The following TTC33 variants were observed in gnomAD, a reference collection of about 807,000 sequenced individuals.
The protein encoded by TTC33 is tetratricopeptide repeat protein 33.
A neutral mutation model predicts 29.4 loss-of-function variants in TTC33; 24 were observed. That is an observed-to-expected ratio of 0.82 (90% CI 0.59 to 1.15). The LOEUF (loss-of-function observed/expected upper bound fraction) is 1.15. Among genes scored for constraint, TTC33 ranks in the 50% most tolerant of loss-of-function variants. TTC33 has a pLI of 0.00. For synonymous variants in TTC33, 107 were observed against 100.3 expected, an observed-to-expected ratio of 1.07 and a Z score of -0.40; for missense variants, 286 against 310.4, an observed-to-expected ratio of 0.92 and a Z score of 0.59.
At position 40,714,271 on chromosome 5, in the gene TTC33, G is replaced by C. The variant is rs1209177626; in HGVS notation, c.*1874C>G. Reference sequence around the variant, plus strand: ...AAAGTTCTCCTTTTTTAAAATCAGAGGAAATTGAGGTTAAATATCTCCAAA... The same window carrying C: ...AAAGTTCTCCTTTTTTAAAATCAGACGAAATTGAGGTTAAATATCTCCAAA... On this transcript the variant is annotated 3_prime_UTR_variant, in exon 5 of 5. Coordinates refer to ENST00000337702, the MANE Select transcript of TTC33 (RefSeq NM_012382.3). Among the ~76,000 whole-genome samples the C allele has an allele frequency of 1.3e-5, 2 of 152,058 alleles. No homozygotes were observed. The highest frequency in any genetic ancestry group is 2.9e-5 in the Non-Finnish European group (2 of 68,008).
At chr5:40,746,114 C>T (rs1742783614) in intron 2 of TTC33, among the ~76,000 whole-genome samples, 1 of 151,920 alleles carries the variant, frequency 6.6e-6, no homozygotes, top group South Asian at 2.1e-4. Context: ...GTTTTCTCAA[C>T]AGAATCTACT....
chr5:40,730,725 C>G (rs141714655), intron 2 of TTC33, among the ~76,000 whole-genome samples: 6 of 152,022 alleles, frequency 3.9e-5, no homozygotes, highest in Non-Finnish European at 7.4e-5. Context: ...TGTAAAAATC[C>G]AAAATAAAGG....
chr5:40,749,829 C>T (rs1485098082), intron 1 of TTC33, among the ~76,000 whole-genome samples: 4 of 152,212 alleles, frequency 2.6e-5, no homozygotes, highest in Admixed American at 6.5e-5. Flanking sequence ...GTGGCTCACG[C>T]CTGTAATCCC....
At chr5:40,722,555 G>A (rs1366350195) in intron 4 of TTC33, among the ~76,000 whole-genome samples, 5 of 151,496 alleles carry the variant, frequency 3.3e-5, no homozygotes, top group Non-Finnish European at 4.4e-5. Context: ...CTGCCTGGCC[G>A]CGACCCCGTC....
intron 3 of TTC33, 64 bp from the exon 4 acceptor site, chr5:40,728,540 A>G: frequency 6.9e-7 from 1 of 1,439,580 alleles, no homozygotes; most frequent in Non-Finnish European, 9.3e-7. Flanking sequence ...CTACATAAAA[A>G]ACCCTTTTCA....
In TTC33 at chr5:40,715,837, T is replaced by C. The variant is rs891148990; in HGVS notation, c.*308A>G. 12 of 242,288 alleles carry C rather than the reference T, an allele frequency of 5.0e-5. No homozygotes were observed. Among genetic ancestry groups the C allele is most frequent in the East Asian group, 8.2e-5 (1 of 12,220 alleles). The allele number at this position is 242,288 out of a possible 1,614,324, so 15.0% of individuals were successfully genotyped here. ...GTAACATTGATCAAATTATTCACTA[T>C]TCAAGAATACATTTTTCAAGTTTTG... On this transcript the variant is annotated 3_prime_UTR_variant, in exon 5 of 5. Coordinates refer to ENST00000337702, the MANE Select transcript of TTC33 (RefSeq NM_012382.3).
chr5:40,717,005 G>A (rs1269862633), intron 4 of TTC33, among the ~76,000 whole-genome samples: 5 of 152,018 alleles, frequency 3.3e-5, no homozygotes, highest in Non-Finnish European at 7.4e-5. Context: ...GAGGTGGGCG[G>A]ATCACCTGAG....
chr5:40,740,660 A>G (rs570555994), intron 2 of TTC33, among the ~76,000 whole-genome samples: 25 of 152,270 alleles, frequency 1.6e-4, no homozygotes, highest in African/African-American at 5.3e-4. Flanking sequence ...CGACTATCCA[A>G]GGTATTGTCC....
At chr5:40,746,710 A>G (rs1293279029) in intron 2 of TTC33, 88 bp downstream of exon 2, 10 of 975,236 alleles carry the variant, frequency 1.0e-5, no homozygotes, top group Non-Finnish European at 1.5e-5. Flanking sequence ...ACATGAATTT[A>G]TCAAATTCAT....
At chr5:40,722,275 G>A (rs976319342) in intron 4 of TTC33, among the ~76,000 whole-genome samples, 4 of 152,142 alleles carry the variant, frequency 2.6e-5, no homozygotes, top group African/African-American at 9.7e-5. Context: ...CCTCCCAGCC[G>A]CCTGCCTTGG....
In TTC33 at chr5:40,751,123, T is replaced by C. The variant is rs1467076045; in HGVS notation, c.-1-4104A>G. ...TTTCCAGAAAGTTTTCAATTGACTT[T>C]GTCCAAATGAATCAGAAGAATCACT... On this transcript the variant is annotated intron_variant, in intron 1 of 4. Coordinates refer to ENST00000337702, the MANE Select transcript of TTC33 (RefSeq NM_012382.3). 3.3e-5 allele frequency among the ~76,000 whole-genome samples: 5 copies of C among 152,254 alleles called. No homozygotes were observed. The South Asian group carries it at 6.2e-4, about 19-fold the overall frequency.
chr5:40,750,476 T>C (rs993425011), intron 1 of TTC33, among the ~76,000 whole-genome samples: 22 of 152,024 alleles, frequency 1.4e-4, no homozygotes, highest in African/African-American at 4.8e-4. Flanking sequence ...GAGGATCACC[T>C]GAGCCCAGGA....
chr5:40,740,552 C>T (rs1386190929), intron 2 of TTC33, among the ~76,000 whole-genome samples: 1 of 152,168 alleles, frequency 6.6e-6, no homozygotes, highest in Non-Finnish European at 1.5e-5. Context: ...ATAAATATCT[C>T]ATGGCTTTTC....
intron 2 of TTC33, among the ~76,000 whole-genome samples, chr5:40,738,339 C>T (rs930252856): frequency 2.6e-5 from 4 of 151,414 alleles, no homozygotes; most frequent in South Asian, 2.1e-4. Context: ...TGCTTGAACC[C>T]GGGAGGTGGA....
intron 1 of TTC33, among the ~76,000 whole-genome samples, chr5:40,750,002 C>A (rs1015962581): frequency 2.0e-5 from 3 of 151,192 alleles, no homozygotes; most frequent in African/African-American, 4.9e-5. Context: ...GCAGGAGAAT[C>A]GCTTGAACTC....
rs1263638728 is a variant in TTC33, at chr5:40,716,414, G to A, written c.520C>T (p.Leu174Phe). The A allele has an allele frequency of 6.2e-7, 1 of 1,613,836 alleles. No homozygotes were observed. The highest frequency in any genetic ancestry group is 8.5e-7 in the Non-Finnish European group (1 of 1,180,040). Residue 174 changes from leucine to phenylalanine, a missense_variant, in exon 5 of 5, where the codon CTC (leucine) becomes TTC (phenylalanine). Leu to Phe is a conservative substitution (Grantham distance 22). Coordinates refer to ENST00000337702, the MANE Select transcript of TTC33 (RefSeq NM_012382.3). ...WKEDLSWARTLQEQQKVAQRI... is the reference protein window; with the variant it reads ...WKEDLSWARTFQEQQKVAQRI... ...TGTGCTACCTTCTGCTGCTCCTGGA[G>A]CGTTCTTGCCCAAGAGAGGTCTTCT...
chr5:40,734,604 T>C (rs530238567), intron 2 of TTC33, among the ~76,000 whole-genome samples: 63 of 152,270 alleles, frequency 4.1e-4, no homozygotes, highest in Non-Finnish European at 7.8e-4. Flanking sequence ...CAAATAGAAA[T>C]GTCAATGTGT....
chr5:40,722,801 G>A (rs1403847349), intron 4 of TTC33, among the ~76,000 whole-genome samples: 2 of 150,542 alleles, frequency 1.3e-5, no homozygotes, highest in South Asian at 2.1e-4. Context: ...CCAGCCAGCC[G>A]CCCATCCGGG....
chr5:40,729,901 G>T (rs543429628), intron 3 of TTC33, among the ~76,000 whole-genome samples: 4 of 152,240 alleles, frequency 2.6e-5, no homozygotes, highest in African/African-American at 7.2e-5. Context: ...GTTTCACCAT[G>T]TTGGTCAGGG....
Sources: allele counts gnomAD v4.1 joint callset (sites outside exome capture counted in the v4.1 genomes callset), GRCh38; gene constraint gnomAD v4.1.1; transcripts MANE v1.5; gene names NCBI Gene and HGNC (gene_info 2026-07-23, HGNC 2026-07-21).